Variants in PDE3B observed in about 807,000 individuals in gnomAD.
PDE3B encodes phosphodiesterase 3B.
A neutral mutation model predicts 116.8 loss-of-function variants in PDE3B; 66 were observed. The observed-to-expected ratio is 0.56, with a 90% CI of 0.46 to 0.69. PDE3B has a LOEUF of 0.69. Ranked by LOEUF, PDE3B falls within the 30% of genes least tolerant of loss-of-function variation. The probability of loss-of-function intolerance (pLI) is 0.00; values close to 1 mark genes in which losing one functional copy is unlikely to be tolerated. For synonymous variants in PDE3B, 595 were observed against 533.6 expected, an observed-to-expected ratio of 1.12 and a Z score of -1.59; for missense variants, 1,384 against 1,368.1, an observed-to-expected ratio of 1.01 and a Z score of -0.18.
intron 1 of PDE3B, among the ~76,000 whole-genome samples, chr11:14,760,879 A>T (rs1409699601): frequency 6.6e-6 from 1 of 152,208 alleles, no homozygotes; most frequent in Admixed American, 6.6e-5. Context: ...GGTAATTGGG[A>T]TATCCATCAC....
intron 1 of PDE3B, among the ~76,000 whole-genome samples, chr11:14,697,845 T>C (rs1393232861): frequency 6.6e-6 from 1 of 152,112 alleles, no homozygotes; most frequent in East Asian, 1.9e-4. Context: ...ATAAATTTCA[T>C]GTTTGATTGT....
At chr11:14,689,712 G>C (rs1346117910) in intron 1 of PDE3B, among the ~76,000 whole-genome samples, 1 of 152,212 alleles carries the variant, frequency 6.6e-6, no homozygotes, top group Non-Finnish European at 1.5e-5. Context: ...GTGAAGAAAA[G>C]AGGTTCAGAG....
intron 1 of PDE3B, among the ~76,000 whole-genome samples, chr11:14,752,681 C>T (rs1335276193): frequency 6.6e-6 from 1 of 152,136 alleles, no homozygotes; most frequent in Non-Finnish European, 1.5e-5. Flanking sequence ...GTGGCCATCA[C>T]AAACTCTGAG....
intron 12 of PDE3B, among the ~76,000 whole-genome samples, chr11:14,846,455 C>T (rs1382052074): frequency 6.6e-6 from 1 of 152,190 alleles, no homozygotes; most frequent in Non-Finnish European, 1.5e-5. Context: ...AACTAGCTAA[C>T]ATCATAATGA....
At chr11:14,873,604 G>GA (rs1301634213), downstream of PDE3B, among the ~76,000 whole-genome samples, 29 of 152,308 alleles carry the variant, frequency 1.9e-4, no homozygotes, top group Middle Eastern at 6.8e-3. Flanking sequence ...GTGAAGAGAT[G>GA]AATTCAGATT....
chr11:14,820,232 CTT>C (rs36115886), intron 7 of PDE3B, among the ~76,000 whole-genome samples: 5 of 140,736 alleles, frequency 3.6e-5, no homozygotes, highest in Non-Finnish European at 4.6e-5. Context: ...CCAACTCATT[CTT>C]TTTTTTTTTT....
chr11:14,682,877 T>C (rs1854753683), intron 1 of PDE3B, among the ~76,000 whole-genome samples: 1 of 151,730 alleles, frequency 6.6e-6, no homozygotes, highest in Non-Finnish European at 1.5e-5. Context: ...CAGAAATGAG[T>C]GTATAGACCT....
chr11:14,746,192 G>A (rs1392116326), intron 1 of PDE3B, among the ~76,000 whole-genome samples: 5 of 152,204 alleles, frequency 3.3e-5, no homozygotes, highest in East Asian at 1.9e-4. Flanking sequence ...TCAGGAGTTC[G>A]TGACCAGCCT....
At chr11:14,743,379 T>C (rs1482361174) in intron 1 of PDE3B, among the ~76,000 whole-genome samples, 1 of 152,164 alleles carries the variant, frequency 6.6e-6, no homozygotes, top group East Asian at 1.9e-4. Flanking sequence ...AACCGCCTAC[T>C]CAAGTCTCAG....
intron 1 of PDE3B, among the ~76,000 whole-genome samples, chr11:14,647,340 AG>A (rs970085179): frequency 7.0e-4 from 106 of 152,182 alleles, no homozygotes; most frequent in African/African-American, 2.3e-3. Flanking sequence ...ATTTTGGAAA[AG>A]TCTGTGAACC....
intron 1 of PDE3B, among the ~76,000 whole-genome samples, chr11:14,764,801 A>T (rs931221696): frequency 6.6e-6 from 1 of 152,036 alleles, no homozygotes; most frequent in African/African-American, 2.4e-5. Flanking sequence ...TCATAATATT[A>T]TATGACTAGA....
intron 5 of PDE3B, among the ~76,000 whole-genome samples, chr11:14,811,800 A>T (rs1179180328): frequency 2.0e-5 from 3 of 152,044 alleles, no homozygotes; most frequent in African/African-American, 4.8e-5. Flanking sequence ...ATTTGTTTGT[A>T]TCCTCTTTTA....
chr11:14,713,681 T>A (rs1855774922), intron 1 of PDE3B, among the ~76,000 whole-genome samples: 1 of 144,912 alleles, frequency 6.9e-6, no homozygotes, highest in African/African-American at 2.6e-5. Flanking sequence ...TACTTCCTTA[T>A]AATAAAAAAT....
At chr11:14,828,999 G>A (rs1011677572) in intron 7 of PDE3B, among the ~76,000 whole-genome samples, 18 of 152,118 alleles carry the variant, frequency 1.2e-4, no homozygotes, top group Non-Finnish European at 7.4e-5. Flanking sequence ...ATGAGATTGT[G>A]TCCTTTGCAG....
At chr11:14,696,686 A>T (rs1249695450) in intron 1 of PDE3B, among the ~76,000 whole-genome samples, 1 of 152,052 alleles carries the variant, frequency 6.6e-6, no homozygotes, top group Non-Finnish European at 1.5e-5. Context: ...TCTTTATATT[A>T]TGTATTTTAT....
rs1349493769 is a variant in PDE3B, at chr11:14,724,223, A to C, written c.979-47714A>C. 3.9e-5 allele frequency among the ~76,000 whole-genome samples: 6 copies of C among 152,288 alleles called. No individual in the cohort carries two copies. In the East Asian group the frequency reaches 1.2e-3, roughly 29 times the overall value. ...AATTGATTACCAGGGGGTTGGGGAGAAGGCATTGTTAAGAATGGTGAAAAG... is the reference window on the plus strand; with the variant it reads ...AATTGATTACCAGGGGGTTGGGGAGCAGGCATTGTTAAGAATGGTGAAAAG... On this transcript the variant is annotated intron_variant, in intron 1 of 15. Transcript: ENST00000282096.
the PDE3B span, chr11:14,885,941 C>G: frequency 6.2e-7 from 1 of 1,609,858 alleles, no homozygotes; most frequent in South Asian, 1.1e-5. Flanking sequence ...AGAAAAACAA[C>G]ATTTAAATGA....
At chr11:14,661,172 T>G (rs1185837378) in intron 1 of PDE3B, among the ~76,000 whole-genome samples, 1 of 152,216 alleles carries the variant, frequency 6.6e-6, no homozygotes, top group Non-Finnish European at 1.5e-5. Flanking sequence ...TTACTGGGTA[T>G]GTACCCAAAG....
chr11:14,845,167 C>T (rs958633831), intron 12 of PDE3B, among the ~76,000 whole-genome samples: 18 of 151,832 alleles, frequency 1.2e-4, no homozygotes, highest in African/African-American at 3.6e-4. Flanking sequence ...CAGACAGCAG[C>T]GTTCACGGTT....
Sources: allele counts gnomAD v4.1 joint callset (sites outside exome capture counted in the v4.1 genomes callset), GRCh38; gene constraint gnomAD v4.1.1; transcripts MANE v1.5; gene names NCBI Gene and HGNC (gene_info 2026-07-23, HGNC 2026-07-21).